Variants in CALML6 observed in about 807,000 individuals in gnomAD.
CALML6 encodes the protein calmodulin like 6.
A neutral mutation model predicts 25.0 loss-of-function variants in CALML6; 27 were observed. The ratio of observed to expected loss-of-function variants is 1.08; its 90% CI spans 0.80 to 1.49. The LOEUF (loss-of-function observed/expected upper bound fraction) is 1.49, where lower values mean the gene tolerates loss of function less well. CALML6 is among the 40% of genes most tolerant of loss of function. The probability of loss-of-function intolerance (pLI) is 0.00; values close to 1 mark genes in which losing one functional copy is unlikely to be tolerated. For synonymous variants in CALML6, 97 were observed against 87.2 expected (o/e 1.11, Z -0.63); for missense variants, 239 against 232.7 (o/e 1.03, Z -0.18).
At chr1:1,917,117 C>CA in intron 5 of CALML6, 30 bp from the exon 6 acceptor site, 2 of 1,608,416 alleles carry the variant, frequency 1.2e-6, no homozygotes, top group Middle Eastern at 1.7e-4. Flanking sequence ...TGGGCCGGGG[C>CA]AAGCTGCTGA....
At chr1:1,916,063 T>G in intron 2 of CALML6, 1 of 446,536 alleles carries the variant, frequency 2.2e-6, no homozygotes. Flanking sequence ...CTGGAAGCCT[T>G]TCCCGGGCCA....
At chr1:1,915,433 G>A in intron 1 of CALML6, 126 bp downstream of exon 1, 1 of 1,476,250 alleles carries the variant, frequency 6.8e-7, no homozygotes, top group Non-Finnish European at 9.1e-7. Flanking sequence ...GTGTGTGAGG[G>A]TCCCGCCATG....
Position 1,916,615 on chromosome 1 carries a change from A to G in CALML6, c.253A>G (p.Asn85Asp), listed in dbSNP as rs1175079583. Residue 85 changes from asparagine to aspartate, a missense_variant and splice_region_variant, in exon 3 of 6, where the codon AAC becomes GAC. Transcript: ENST00000307786. ...ASMAKDVDRD[N>D]KGFFNCDGFL... ...AATGGCCAAGGATGTGGACAGAGAC[A>G]GTGAGCTCATGGCTGGAGTGGGGTG... 7.5e-6 allele frequency: 12 copies of G among 1,602,780 alleles called. No homozygotes were observed. In the East Asian group the frequency reaches 2.5e-4, roughly 33 times the overall value.
In CALML6 at chr1:1,917,132, C is replaced by T; in HGVS notation, c.500-15C>T. On this transcript the variant is annotated splice_polypyrimidine_tract_variant and intron_variant, in intron 5 of 5. Coordinates refer to ENST00000307786, the MANE Select transcript of CALML6 (RefSeq NM_138705.4). ...TGGGCCGGGGCAAGCTGCTGACCTG[C>T]CCCTCTGTTCCCAGAGTTTGTGGCC... 2 of 1,608,384 alleles carry T rather than the reference C, an allele frequency of 1.2e-6. No individual in the cohort carries two copies. The highest frequency in any genetic ancestry group is 8.5e-7 in the Non-Finnish European group (1 of 1,178,316).
At chr1:1,916,371 C>T in intron 2 of CALML6, 70 bp from the exon 3 acceptor site, 1 of 1,393,956 alleles carries the variant, frequency 7.2e-7, no homozygotes, top group East Asian at 2.5e-5. Flanking sequence ...GCAGGGGGTA[C>T]CTCTGACCCT....
rs1241531411 is a variant in CALML6, at chr1:1,916,507, G to T, written c.145G>T (p.Gly49Cys). 1.9e-6 allele frequency: 3 copies of T among 1,601,526 alleles called. No individual in the cohort carries two copies. Among genetic ancestry groups the T allele is most frequent in the Non-Finnish European group, 2.6e-6 (3 of 1,174,292 alleles). Residue 49 changes from glycine (G) to cysteine (C), a missense_variant, in exon 3 of 6, where the codon GGC becomes TGC. Coordinates refer to ENST00000307786, the MANE Select transcript of CALML6 (RefSeq NM_138705.4). The part of the protein sequence containing the change: ...KGVFEMFDEE[G>C]NGEVKTGELE... ...AGTCTTTGAGATGTTCGACGAAGAG[G>T]GCAACGGGGAGGTGAAGACGGGGGA...
chr1:1,915,522 C>A, intron 1 of CALML6, 163 bp from the exon 2 acceptor site: 2 of 1,230,150 alleles, frequency 1.6e-6, no homozygotes, highest in Non-Finnish European at 2.2e-6. Context: ...CCAAAGCGGG[C>A]CGGGAAGGGG....
chr1:1,916,347 A>G (rs1557971452), intron 2 of CALML6, 94 bp from the exon 3 acceptor site: 6 of 1,177,470 alleles, frequency 5.1e-6, no homozygotes, highest in Middle Eastern at 2.0e-4. Flanking sequence ...AAGGCTGCCA[A>G]TGGAGGAATG....
Position 1,916,185 on chromosome 1 carries a change from G to T in CALML6, c.79-256G>T, listed in dbSNP as rs929464318. On this transcript the variant is annotated intron_variant, in intron 2 of 5. Transcript: ENST00000307786. ...CCCGCCTGGCCCTGCAGCTGCTGCT[G>T]TTCCCTCGCACGCTGGCTCCTGCCT... The T allele has an allele frequency of 2.0e-5, 9 of 456,742 alleles. No individual in the cohort carries two copies. In the South Asian group the frequency reaches 3.4e-4, roughly 17 times the overall value. 28.3% of individuals were successfully genotyped at this position (456,742 alleles called of 1,614,324 possible).
Position 1,916,856 on chromosome 1 carries a change from G to C in CALML6, c.358G>C (p.Asp120His), listed in dbSNP as rs1317612459. ...SELRAAFRVF[D>H]KEGKGYIDWN... ...GCTGAGGGCGGCATTCCGTGTCTTTGACAAAGAGGGCAAGGGCTACATTGA... is the reference window on the plus strand; with the variant it reads ...GCTGAGGGCGGCATTCCGTGTCTTTCACAAAGAGGGCAAGGGCTACATTGA... Residue 120 changes from aspartate (D) to histidine (H), a missense_variant, in exon 4 of 6, where the codon GAC (aspartate) becomes CAC (histidine). By Grantham distance (81) the Asp-to-His change is moderately conservative. Coordinates refer to ENST00000307786, the MANE Select transcript of CALML6 (RefSeq NM_138705.4). 6.8e-7 allele frequency: 1 copy of C among 1,462,536 alleles called. No homozygotes were observed. Among genetic ancestry groups the C allele is most frequent in the Non-Finnish European group, 9.1e-7 (1 of 1,093,818 alleles). 90.6% of individuals were successfully genotyped at this position (1,462,536 alleles called of 1,614,324 possible). A position where few individuals can be genotyped will look rare whatever the true frequency, so the allele number is the denominator to read the frequency against.
At chr1:1,915,523 C>T (rs745620692) in intron 1 of CALML6, 162 bp from the exon 2 acceptor site, 44 of 1,223,152 alleles carry the variant, frequency 3.6e-5, no homozygotes, top group African/African-American at 4.5e-5. Context: ...CAAAGCGGGC[C>T]GGGAAGGGGC....
In CALML6 at chr1:1,917,224, C is replaced by A. The variant is rs927206297; in HGVS notation, c.*31C>A. On this transcript the variant is annotated 3_prime_UTR_variant, in exon 6 of 6. Coordinates refer to ENST00000307786, the MANE Select transcript of CALML6 (RefSeq NM_138705.4). ...GCTGCCGCAGCCGGGGGAGGCCTGC[C>A]CGGGAAGGCTGCTGCCCCTGCCCCC... is the stretch of plus-strand genomic sequence containing the variant. The A allele has an allele frequency of 6.4e-7, 1 of 1,565,654 alleles. No homozygotes were observed. The highest frequency in any genetic ancestry group is 8.6e-7 in the Non-Finnish European group (1 of 1,158,452).
In CALML6 at chr1:1,917,040, C is replaced by T. The variant is rs767141727; in HGVS notation, c.465C>T (p.Ala155=). 3.1e-5 allele frequency: 50 copies of T among 1,609,656 alleles called. No homozygotes were observed. Among genetic ancestry groups the T allele is most frequent in the Non-Finnish European group, 3.7e-5 (44 of 1,177,580 alleles). ...AGGCGGAGCAGATGATGAAGGAGGC[C>T]GACAAGGATGGGGACAGGACCATCG... ...EVEAEQMMKE[A]DKDGDRTIDY... is the part of the protein sequence containing the mutation. Residue 155 remains alanine, a synonymous_variant, in exon 5 of 6, where the codon GCC becomes GCT. Coordinates refer to ENST00000307786, the MANE Select transcript of CALML6 (RefSeq NM_138705.4).
intron 3 of CALML6, 43 bp downstream of exon 3, chr1:1,916,658 C>T (rs781045096): frequency 6.2e-6 from 10 of 1,603,358 alleles, no homozygotes; most frequent in Non-Finnish European, 8.5e-6. Context: ...TCGGGGGGGC[C>T]CTGGGTCAGG....
In CALML6 at chr1:1,917,285, G is replaced by A; in HGVS notation, c.*92G>A. Reference sequence around the variant, plus strand: ...TCCCCCGGCTCCGTGTAAAATAAATGTTCCAGCCCAACCTGTGTGTGCCTC... The same window carrying A: ...TCCCCCGGCTCCGTGTAAAATAAATATTCCAGCCCAACCTGTGTGTGCCTC... On this transcript the variant is annotated 3_prime_UTR_variant, in exon 6 of 6. Coordinates refer to ENST00000307786, the MANE Select transcript of CALML6 (RefSeq NM_138705.4). 4 of 1,381,348 alleles carry A rather than the reference G, an allele frequency of 2.9e-6. 1 individual carries two copies. Among genetic ancestry groups the A allele is most frequent in the Non-Finnish European group, 4.0e-6 (4 of 1,010,994 alleles). The allele number at this position is 1,381,348 out of a possible 1,614,324, so 85.6% of individuals were successfully genotyped here. A position where few individuals can be genotyped will look rare whatever the true frequency, so the allele number is the denominator to read the frequency against.
Position 1,917,187 on chromosome 1 carries a change from C to T in CALML6, c.540C>T (p.Ile180=), listed in dbSNP as rs1388098163. 6.2e-7 allele frequency: 1 copy of T among 1,601,826 alleles called. No individual in the cohort carries two copies. The highest frequency in any genetic ancestry group is 8.5e-7 in the Non-Finnish European group (1 of 1,175,888). ...AMMTGESFKL[I]Q ...TGACGGGGGAGTCCTTCAAGCTGATCCAGTAGGTGCAGCTGCCGCAGCCGG... is the reference window on the plus strand; with the variant it reads ...TGACGGGGGAGTCCTTCAAGCTGATTCAGTAGGTGCAGCTGCCGCAGCCGG... The change falls in exon 6 of 6, where the codon ATC becomes ATT. Residue 180 remains isoleucine, a synonymous_variant. Transcript: ENST00000307786.
At chr1:1,916,151 G>C (rs1237378641) in intron 2 of CALML6, 2 of 423,790 alleles carry the variant, frequency 4.7e-6, no homozygotes, top group African/African-American at 4.0e-5. Context: ...CTCCAGGGCC[G>C]CTGCCTGGCC....
intron 3 of CALML6, 42 bp downstream of exon 3, chr1:1,916,657 C>T: frequency 1.2e-6 from 2 of 1,602,430 alleles, no homozygotes; most frequent in African/African-American, 1.3e-5. Context: ...CTCGGGGGGG[C>T]CCTGGGTCAG....
intron 5 of CALML6, 26 bp from the exon 6 acceptor site, chr1:1,917,121 C>T: frequency 2.5e-6 from 4 of 1,608,374 alleles, no homozygotes; most frequent in South Asian, 2.2e-5. Context: ...CCGGGGCAAG[C>T]TGCTGACCTG....
Sources: gnomAD v4.1 joint callset for allele counts on GRCh38, gnomAD v4.1.1 for gene constraint, MANE v1.5 for transcripts, NCBI Gene and HGNC (gene_info 2026-07-23, HGNC 2026-07-21) for gene names.